Variants in MEF2C observed in about 807,000 individuals in gnomAD.
MEF2C encodes the protein myocyte-specific enhancer factor 2C.
Under a neutral mutation model 50.5 loss-of-function variants are expected in MEF2C, and 6 were observed. That is an observed-to-expected ratio of 0.12 (90% CI 0.07 to 0.23). The LOEUF is 0.23. MEF2C is among the 10% of genes least tolerant of loss of function. The pLI is 1.00. For synonymous variants in MEF2C, 183 were observed against 228.0 expected (o/e 0.80, Z 1.78); for missense variants, 276 against 605.0 (o/e 0.46, Z 5.70).
At chr5:88,799,866 T>A (rs1158461245) in intron 3 of MEF2C, among the ~76,000 whole-genome samples, 9 of 108,152 alleles carry the variant, frequency 8.3e-5, no homozygotes, top group South Asian at 3.8e-4. Flanking sequence ...TCTCTCTCTC[T>A]CTCTCACACA....
intron 3 of MEF2C, chr5:88,761,569 G>A: frequency 2.4e-6 from 1 of 420,794 alleles, no homozygotes; most frequent in East Asian, 4.1e-5. Context: ...GAGGGTATAA[G>A]GACTCAAGTT....
intron 1 of MEF2C, among the ~76,000 whole-genome samples, chr5:88,875,529 T>A (rs1830781108): frequency 6.6e-6 from 1 of 151,826 alleles, no homozygotes; most frequent in Non-Finnish European, 1.5e-5. Context: ...TCTGATTGGG[T>A]CTGGGTGTGC....
chr5:88,873,603 G>C (rs780341950), intron 1 of MEF2C, among the ~76,000 whole-genome samples: 2 of 151,518 alleles, frequency 1.3e-5, no homozygotes, highest in Non-Finnish European at 2.9e-5. Flanking sequence ...AACAGTCTTG[G>C]AAGGGATATT....
intron 1 of MEF2C, among the ~76,000 whole-genome samples, chr5:88,897,713 A>G (rs1835258692): frequency 1.3e-5 from 2 of 152,238 alleles, no homozygotes; most frequent in South Asian, 4.1e-4. Context: ...GTTTAATTAT[A>G]GCAGACAATA....
intron 6 of MEF2C, chr5:88,743,382 GA>G: frequency 1.0e-6 from 1 of 985,276 alleles, no homozygotes. Context: ...AGTCAGCCAA[GA>G]AATTTTTGAT....
At chr5:88,738,419 T>C (rs540504471) in intron 6 of MEF2C, 19 of 964,398 alleles carry the variant, frequency 2.0e-5, no homozygotes, top group Non-Finnish European at 2.3e-5. Context: ...TAAAGCACTT[T>C]TAATCTTCAC....
intron 1 of MEF2C, among the ~76,000 whole-genome samples, chr5:88,872,470 C>T (rs1306014337): frequency 2.6e-5 from 4 of 151,866 alleles, no homozygotes; most frequent in Non-Finnish European, 2.9e-5. Flanking sequence ...AATTGACCCA[C>T]GACTGTGTAA....
intron 3 of MEF2C, among the ~76,000 whole-genome samples, chr5:88,764,677 G>A (rs759308254): frequency 6.6e-5 from 10 of 151,842 alleles, no homozygotes; most frequent in South Asian, 6.3e-4. Flanking sequence ...GCATGGTGGC[G>A]CACGCCTGTA....
At chr5:88,865,369 T>C (rs897788772) in intron 1 of MEF2C, among the ~76,000 whole-genome samples, 1 of 152,156 alleles carries the variant, frequency 6.6e-6, no homozygotes, top group Admixed American at 6.5e-5. Context: ...GTGAGAAACT[T>C]AGTTGATTTT....
At chr5:88,760,296 A>G (rs1370472876) in intron 4 of MEF2C, among the ~76,000 whole-genome samples, 1 of 152,262 alleles carries the variant, frequency 6.6e-6, no homozygotes, top group East Asian at 1.9e-4. Flanking sequence ...ATTGACTGTT[A>G]GAATTTTTTT....
chr5:88,801,704 T>C (rs1163605976), intron 3 of MEF2C, among the ~76,000 whole-genome samples: 1 of 152,102 alleles, frequency 6.6e-6, no homozygotes, highest in Non-Finnish European at 1.5e-5. Context: ...GCCCCGATGA[T>C]CTTGATCTCC....
chr5:88,865,551 A>G (rs1000440773), intron 1 of MEF2C, among the ~76,000 whole-genome samples: 5 of 152,172 alleles, frequency 3.3e-5, no homozygotes, highest in African/African-American at 1.2e-4. Context: ...TTTACAGTGA[A>G]TAATTATTTC....
intron 3 of MEF2C, among the ~76,000 whole-genome samples, chr5:88,792,096 A>C (rs981193302): frequency 6.6e-6 from 1 of 152,104 alleles, no homozygotes; most frequent in Non-Finnish European, 1.5e-5. Context: ...TATTTCTCTA[A>C]ATTTTTTTAT....
chr5:88,902,270 GA>G (rs1234402017), intron 1 of MEF2C, among the ~76,000 whole-genome samples: 2 of 151,606 alleles, frequency 1.3e-5, no homozygotes, highest in East Asian at 3.8e-4. Flanking sequence ...TCAATATAAT[GA>G]AACATAATGA....
intron 1 of MEF2C, among the ~76,000 whole-genome samples, chr5:88,848,422 AAAC>A (rs2153370560): frequency 6.6e-6 from 1 of 152,300 alleles, no homozygotes; most frequent in African/African-American, 2.4e-5. Context: ...CTTAAGGTAA[AAAC>A]TCCCATTTTC....
intron 1 of MEF2C, among the ~76,000 whole-genome samples, chr5:88,863,692 C>A (rs1261801516): frequency 6.6e-6 from 1 of 152,206 alleles, no homozygotes; most frequent in African/African-American, 2.4e-5. Flanking sequence ...CTCTCTACTT[C>A]TGTAAATTCA....
upstream of MEF2C, chr5:88,883,309 G>GAGGAGGAGGAAGA (rs1164925540): frequency 2.0e-5 from 3 of 153,386 alleles, no homozygotes; most frequent in African/African-American, 7.3e-5. Context: ...GGAAGAGGAG[G>GAGGAGGAGGAAGA]AGGAGGAGGA....
chr5:88,825,039 C>T (rs998692687), intron 1 of MEF2C: 1 of 151,952 alleles, frequency 6.6e-6, no homozygotes, highest in Admixed American at 6.6e-5. Context: ...AACAACTTTA[C>T]ACACTGCTCA....
At chr5:88,820,077 A>T (rs978859600) in intron 2 of MEF2C, among the ~76,000 whole-genome samples, 6 of 55,282 alleles carry the variant, frequency 1.1e-4, no homozygotes, top group African/African-American at 2.2e-4. Flanking sequence ...ATTTGTAATT[A>T]TATATATATA....
Sources: gnomAD v4.1 joint callset for allele counts (sites outside exome capture counted in the v4.1 genomes callset) on GRCh38, gnomAD v4.1.1 for gene constraint, MANE v1.5 for transcripts, NCBI Gene and HGNC (gene_info 2026-07-23, HGNC 2026-07-21) for gene names.